GRM5: variants seen among roughly 807,000 people sequenced by gnomAD.
GRM5 encodes the protein metabotropic glutamate receptor 5.
GRM5 carries 19 observed loss-of-function variants against 83.1 expected under a neutral mutation model. That is an observed-to-expected ratio of 0.23 (90% CI 0.16 to 0.34). The LOEUF (loss-of-function observed/expected upper bound fraction) is 0.34, where lower values mean the gene tolerates loss of function less well. GRM5 is among the 10% of genes least tolerant of loss of function. The pLI is 1.00. For synonymous variants in GRM5, 675 were observed against 633.6 expected, an observed-to-expected ratio of 1.07 and a Z score of -0.98; for missense variants, 1,160 against 1,588.3, an observed-to-expected ratio of 0.73 and a Z score of 4.58.
At chr11:88,957,594 T>C (rs1938661766) in intron 2 of GRM5, among the ~76,000 whole-genome samples, 1 of 152,170 alleles carries the variant, frequency 6.6e-6, no homozygotes, top group African/African-American at 2.4e-5. Context: ...CAGAAGAAAG[T>C]ATGTTCCTGT....
chr11:88,878,247 A>G (rs1944892758), intron 2 of GRM5, among the ~76,000 whole-genome samples: 1 of 152,134 alleles, frequency 6.6e-6, no homozygotes. Context: ...CCTGGAGAAG[A>G]CTCCAAATAT....
chr11:88,547,776 T>C (rs183412627), intron 8 of GRM5, among the ~76,000 whole-genome samples: 5 of 152,298 alleles, frequency 3.3e-5, no homozygotes, highest in Admixed American at 2.0e-4. Flanking sequence ...TCAAATTATT[T>C]CACCTGTCTG....
intron 7 of GRM5, among the ~76,000 whole-genome samples, chr11:88,585,294 A>G (rs1943290195): frequency 6.6e-6 from 1 of 152,196 alleles, no homozygotes; most frequent in Non-Finnish European, 1.5e-5. Context: ...TTCTTTTGTT[A>G]ATCTATTTTT....
At chr11:88,672,655 T>C (rs979940818) in intron 3 of GRM5, among the ~76,000 whole-genome samples, 2 of 152,056 alleles carry the variant, frequency 1.3e-5, no homozygotes, top group South Asian at 4.2e-4. Flanking sequence ...TTTACTCAAA[T>C]GTGATAGGAG....
At chr11:88,917,468 A>G (rs1945614957) in intron 2 of GRM5, among the ~76,000 whole-genome samples, 1 of 152,188 alleles carries the variant, frequency 6.6e-6, no homozygotes, top group South Asian at 2.1e-4. Flanking sequence ...ACCATCTAGG[A>G]AAACATGACT....
At chr11:88,830,708 G>A (rs939688026) in intron 3 of GRM5, among the ~76,000 whole-genome samples, 1 of 152,178 alleles carries the variant, frequency 6.6e-6, no homozygotes, top group Admixed American at 6.5e-5. Context: ...AGCTCTGACA[G>A]CATGGCTCAA....
chr11:88,986,116 C>T (rs1421394556), intron 2 of GRM5, among the ~76,000 whole-genome samples: 6 of 152,098 alleles, frequency 3.9e-5, no homozygotes, highest in Non-Finnish European at 5.9e-5. Flanking sequence ...AATGGATGAA[C>T]GTTTAAATGA....
chr11:88,661,605 T>G, intron 3 of GRM5, among the ~76,000 whole-genome samples: 1 of 152,082 alleles, frequency 6.6e-6, no homozygotes, highest in South Asian at 2.1e-4. Flanking sequence ...ATAGTGGGAG[T>G]CTACGGACTA....
chr11:88,775,546 A>G (rs997023302), intron 3 of GRM5, among the ~76,000 whole-genome samples: 1 of 152,098 alleles, frequency 6.6e-6, no homozygotes, highest in Non-Finnish European at 1.5e-5. Context: ...TGTCAATTTT[A>G]GATCTTTCCT....
intron 3 of GRM5, among the ~76,000 whole-genome samples, chr11:88,731,238 C>G (rs910904837): frequency 1.1e-4 from 16 of 152,032 alleles, no homozygotes; most frequent in African/African-American, 3.9e-4. Flanking sequence ...TAATTCACCA[C>G]TTCTACTTAT....
At chr11:88,878,440 C>G (rs1944895584) in intron 2 of GRM5, among the ~76,000 whole-genome samples, 1 of 152,118 alleles carries the variant, frequency 6.6e-6, no homozygotes, top group Non-Finnish European at 1.5e-5. Flanking sequence ...ATTGTCCATG[C>G]ACACTCCTTG....
At chr11:89,042,146 G>A (rs990073814) in intron 2 of GRM5, among the ~76,000 whole-genome samples, 5 of 152,130 alleles carry the variant, frequency 3.3e-5, no homozygotes, top group Admixed American at 2.0e-4. Flanking sequence ...CCAGGTTCAA[G>A]CAATTCTCCT....
chr11:88,716,260 T>A (rs543557024), intron 3 of GRM5, among the ~76,000 whole-genome samples: 1 of 151,888 alleles, frequency 6.6e-6, no homozygotes, highest in Non-Finnish European at 1.5e-5. Flanking sequence ...TAGTGAAAAG[T>A]ACAAAAGAGT....
intron 2 of GRM5, among the ~76,000 whole-genome samples, chr11:89,015,148 C>T (rs1940819067): frequency 6.6e-6 from 1 of 152,158 alleles, no homozygotes; most frequent in Non-Finnish European, 1.5e-5. Context: ...GTCACTTAGC[C>T]TGGTTGAACT....
At chr11:88,896,402 G>T (rs1441590280) in intron 2 of GRM5, among the ~76,000 whole-genome samples, 3 of 151,916 alleles carry the variant, frequency 2.0e-5, no homozygotes, top group African/African-American at 7.2e-5. Flanking sequence ...ACAATAGCAA[G>T]TATCAAAAAC....
intron 2 of GRM5, among the ~76,000 whole-genome samples, chr11:88,963,113 CA>C (rs1265294572): frequency 1.3e-5 from 2 of 151,592 alleles, no homozygotes; most frequent in African/African-American, 2.4e-5. Flanking sequence ...AACAAACAAA[CA>C]AAAAAAACTT....
chr11:88,787,562 G>A (rs570233215), intron 3 of GRM5, among the ~76,000 whole-genome samples: 5 of 152,180 alleles, frequency 3.3e-5, no homozygotes, highest in Admixed American at 6.6e-5. Flanking sequence ...TGTGTAGTGC[G>A]TGAATAGGAC....
At chr11:88,953,380 A>G (rs2135681973) in intron 2 of GRM5, among the ~76,000 whole-genome samples, 1 of 152,360 alleles carries the variant, frequency 6.6e-6, no homozygotes, top group Non-Finnish European at 1.5e-5. Flanking sequence ...TAAGACCTGG[A>G]GAATGACTAA....
intron 3 of GRM5, among the ~76,000 whole-genome samples, chr11:88,703,505 G>A (rs990609275): frequency 2.0e-5 from 3 of 152,032 alleles, no homozygotes; most frequent in African/African-American, 7.2e-5. Context: ...TGAAACAAAA[G>A]GTTGGGCAAA....
Sources: allele counts gnomAD v4.1 joint callset (sites outside exome capture counted in the v4.1 genomes callset), GRCh38; gene constraint gnomAD v4.1.1; transcripts MANE v1.5; gene names NCBI Gene and HGNC (gene_info 2026-07-23, HGNC 2026-07-21).